The following SLC44A3 variants were observed in gnomAD, a reference collection of about 807,000 sequenced individuals.
SLC44A3 encodes solute carrier family 44 member 3.
SLC44A3 carries 74 observed loss-of-function variants against 75.4 expected under a neutral mutation model. That is an observed-to-expected ratio of 0.98 (90% CI 0.81 to 1.19). The LOEUF is 1.19. SLC44A3 is among the 50% of genes most tolerant of loss of function. The pLI is 0.00. For missense variants in SLC44A3, 700 were observed against 778.6 expected, an observed-to-expected ratio of 0.90 and a Z score of 1.20; for synonymous variants, 310 against 296.9, an observed-to-expected ratio of 1.04 and a Z score of -0.45.
At chr1:94,846,161 A>G (rs1268348107) in intron 9 of SLC44A3, among the ~76,000 whole-genome samples, 2 of 151,652 alleles carry the variant, frequency 1.3e-5, no homozygotes, top group Admixed American at 1.3e-4. Flanking sequence ...AAAAAAAAAA[A>G]AAGTGTTATG....
chr1:94,877,670 G>T (rs2101580369), intron 12 of SLC44A3, among the ~76,000 whole-genome samples: 1 of 152,246 alleles, frequency 6.6e-6, no homozygotes. Context: ...TTCTTATCTA[G>T]GTGGGGCGAA....
intron 12 of SLC44A3, among the ~76,000 whole-genome samples, chr1:94,884,838 A>G (rs1320109379): frequency 6.6e-6 from 1 of 152,214 alleles, no homozygotes; most frequent in Non-Finnish European, 1.5e-5. Flanking sequence ...TAAAGCTGCA[A>G]TTAACGTTCT....
chr1:94,840,254 T>A (rs376977424), intron 7 of SLC44A3, among the ~76,000 whole-genome samples: 1 of 151,332 alleles, frequency 6.6e-6, no homozygotes, highest in South Asian at 2.1e-4. Context: ...CTTTTTTTTC[T>A]TCTTTCTTTT....
intron 9 of SLC44A3, among the ~76,000 whole-genome samples, chr1:94,846,895 A>G (rs1664474595): frequency 6.6e-6 from 1 of 152,184 alleles, no homozygotes; most frequent in South Asian, 2.1e-4. Flanking sequence ...TTCTTAGTAA[A>G]CTCAGTCCCC....
intron 13 of SLC44A3, among the ~76,000 whole-genome samples, chr1:94,891,994 C>G (rs1008104601): frequency 1.3e-5 from 2 of 152,140 alleles, no homozygotes; most frequent in African/African-American, 4.8e-5. Context: ...AGTGAAAAAG[C>G]AGAATAAAAA....
At chr1:94,891,029 G>C in intron 12 of SLC44A3, 101 bp from the exon 13 acceptor site, 1 of 979,728 alleles carries the variant, frequency 1.0e-6, no homozygotes, top group Admixed American at 2.6e-5. Flanking sequence ...AGAGAGAGTA[G>C]GTTTATTGTA....
intron 9 of SLC44A3, among the ~76,000 whole-genome samples, chr1:94,856,394 G>T (rs1317222736): frequency 6.6e-6 from 1 of 152,218 alleles, no homozygotes; most frequent in Non-Finnish European, 1.5e-5. Flanking sequence ...AAGGGGTAAA[G>T]CTGGGATCTG....
rs932624628 is a variant in SLC44A3 at position 94,838,141 on chromosome 1, T to C, written c.670+270T>C. On this transcript the variant is annotated intron_variant, in intron 6 of 14. Coordinates refer to ENST00000271227, the MANE Select transcript of SLC44A3 (RefSeq NM_001114106.3). Reference sequence around the variant, plus strand: ...CTGCTCCTCACTGGGGATGGGTATATAAAGCAGATTGCCAATTTGTGGATG... The same window carrying C: ...CTGCTCCTCACTGGGGATGGGTATACAAAGCAGATTGCCAATTTGTGGATG... 2.0e-5 allele frequency among the ~76,000 whole-genome samples: 3 copies of C among 152,296 alleles called. No individual in the cohort carries two copies. The South Asian group carries it at 6.2e-4, about 32-fold the overall frequency.
chr1:94,858,468 T>C (rs1299094863), intron 10 of SLC44A3, among the ~76,000 whole-genome samples: 2 of 152,100 alleles, frequency 1.3e-5, no homozygotes, highest in African/African-American at 4.8e-5. Context: ...CCCAGGGCAG[T>C]GAGAGCCCTC....
At chr1:94,857,154 A>G (rs1007657094) in intron 9 of SLC44A3, among the ~76,000 whole-genome samples, 181 bp from the exon 10 acceptor site, 4 of 152,224 alleles carry the variant, frequency 2.6e-5, no homozygotes, top group Admixed American at 2.6e-4. Flanking sequence ...GGTGTTATTT[A>G]GAAGTTAAAT....
At chr1:94,888,952 G>A (rs1052037617) in intron 12 of SLC44A3, among the ~76,000 whole-genome samples, 8 of 151,716 alleles carry the variant, frequency 5.3e-5, no homozygotes, top group African/African-American at 1.7e-4. Context: ...TAAAGACAGG[G>A]TTTCACCATG....
At chr1:94,851,701 G>T (rs1200475784) in intron 9 of SLC44A3, among the ~76,000 whole-genome samples, 2 of 152,176 alleles carry the variant, frequency 1.3e-5, no homozygotes, top group East Asian at 3.8e-4. Context: ...TCCTCATGCT[G>T]CCAGAGCCGA....
At chr1:94,823,572 T>C (rs1242589676) in intron 2 of SLC44A3, among the ~76,000 whole-genome samples, 1 of 152,212 alleles carries the variant, frequency 6.6e-6, no homozygotes, top group Non-Finnish European at 1.5e-5. Context: ...CACTGGGCAC[T>C]TGAAGAATGT....
chr1:94,856,269 A>T (rs1665861060), intron 9 of SLC44A3, among the ~76,000 whole-genome samples: 1 of 152,190 alleles, frequency 6.6e-6, no homozygotes, highest in Non-Finnish European at 1.5e-5. Flanking sequence ...CTCCGTGCTC[A>T]AAATACCACC....
intron 2 of SLC44A3, among the ~76,000 whole-genome samples, 176 bp from the exon 3 acceptor site, chr1:94,824,317 G>A (rs1337330004): frequency 6.6e-6 from 1 of 152,226 alleles, no homozygotes; most frequent in East Asian, 1.9e-4. Flanking sequence ...AGTAGCAGAG[G>A]AGCAGGATGC....
chr1:94,870,307 C>T (rs1023148576), intron 12 of SLC44A3, among the ~76,000 whole-genome samples: 4 of 152,216 alleles, frequency 2.6e-5, no homozygotes, highest in Non-Finnish European at 5.9e-5. Context: ...AGAGGTGATA[C>T]AGAGTCATTA....
At chr1:94,837,908 T>C (rs369432856) in intron 6 of SLC44A3, 37 bp downstream of exon 6, 10 of 1,528,398 alleles carry the variant, frequency 6.5e-6, no homozygotes, top group Non-Finnish European at 8.8e-6. Context: ...TAGTTGTTTA[T>C]GGAATGCCAA....
At chr1:94,890,202 A>T (rs1014033594) in intron 12 of SLC44A3, among the ~76,000 whole-genome samples, 1 of 152,052 alleles carries the variant, frequency 6.6e-6, no homozygotes, top group Non-Finnish European at 1.5e-5. Flanking sequence ...TTCATTTTTC[A>T]TACTGTTCTG....
In SLC44A3 at chr1:94,853,339, G is replaced by T. The variant is rs374065147; in HGVS notation, c.1073-3996G>T. On this transcript the variant is annotated intron_variant, in intron 9 of 14. Coordinates refer to ENST00000271227, the MANE Select transcript of SLC44A3 (RefSeq NM_001114106.3). ...AGGTGAAGAGAAAGTGGGAGGAAAA[G>T]AATTGGAAAGAGTAAGTATAGACAA... Among the ~76,000 whole-genome samples, 7 of 152,318 alleles carry T rather than the reference G, an allele frequency of 4.6e-5. No homozygotes were observed. In the East Asian group the frequency reaches 1.3e-3, roughly 29 times the overall value.
Sources: gnomAD v4.1 joint callset for allele counts (sites outside exome capture counted in the v4.1 genomes callset) on GRCh38, gnomAD v4.1.1 for gene constraint, MANE v1.5 for transcripts, NCBI Gene and HGNC (gene_info 2026-07-23, HGNC 2026-07-21) for gene names.